The following USP26 variants were observed in gnomAD, a reference collection of about 807,000 sequenced individuals.
USP26 encodes the protein ubiquitin specific peptidase 26.
For synonymous variants in USP26, 236 were observed against 240.6 expected (o/e 0.98, Z 0.18); for missense variants, 649 against 642.3 (o/e 1.01, Z -0.11).
At chrX:133,084,312 C>T (rs1373670623) in intron 4 of USP26, among the ~76,000 whole-genome samples, 2 of 111,253 alleles carry the variant, frequency 1.8e-5, no homozygotes, top group Admixed American at 1.9e-4. Context: ...GATCCTCCCA[C>T]CTCAGCCTCC....
Position 133,026,161 on chromosome X carries a change from A to C in USP26, c.2060T>G (p.Val687Gly). ...ATTTTCGGGCACTGTTTGAAAGTCA[A>C]CTTTTGAGAGAGGTGTGCCTGGGCT... ...ASSPGTPLSK[V>G]DFQTVPENPK... Residue 687 changes from valine (V) to glycine (G), a missense_variant, in exon 6 of 6, where the codon GTT becomes GGT. Transcript: ENST00000511190. 8.3e-7 allele frequency: 1 copy of C among 1,211,081 alleles called. No homozygotes were observed. Among genetic ancestry groups the C allele is most frequent in the Non-Finnish European group, 1.1e-6 (1 of 895,423 alleles).
rs368533207 is a variant in USP26 at position 133,025,599 on chromosome X, C to T, written c.2622G>A (p.Arg874=). 1.7e-5 allele frequency: 20 copies of T among 1,209,201 alleles called. No homozygotes were observed. The highest frequency in any genetic ancestry group is 2.2e-5 in the Admixed American group (1 of 45,583). ...GIQEAQMQED[R]RCTGYIFFYM... Reference sequence around the variant, plus strand: ...AAAAGAAGATGTACCCAGTGCAACGCCTATCCTCCTGCATCTGGGCCTCCT... The same window carrying T: ...AAAAGAAGATGTACCCAGTGCAACGTCTATCCTCCTGCATCTGGGCCTCCT... The change falls in exon 6 of 6, where the codon AGG becomes AGA. Residue 874 remains arginine (R), a synonymous_variant. Transcript: ENST00000511190.
At chrX:133,039,044 T>G (rs1452645312) in intron 5 of USP26, among the ~76,000 whole-genome samples, 1 of 111,902 alleles carries the variant, frequency 8.9e-6, no homozygotes, top group African/African-American at 3.2e-5. Flanking sequence ...TACTTGATTA[T>G]TCTCTCTTTT....
intron 5 of USP26, among the ~76,000 whole-genome samples, chrX:133,054,184 T>G (rs2148531076): frequency 8.9e-6 from 1 of 112,064 alleles, no homozygotes; most frequent in Admixed American, 9.5e-5. Context: ...GTTAACAGCC[T>G]TTCAGAGATT....
At chrX:133,055,812 C>T (rs149155999) in intron 5 of USP26, among the ~76,000 whole-genome samples, 4 of 111,452 alleles carry the variant, frequency 3.6e-5, no homozygotes, top group African/African-American at 9.8e-5. Flanking sequence ...TGTGTATGTA[C>T]GTATGGGAAG....
chrX:133,062,505 G>T lies in USP26; in HGVS notation c.-77+21202C>A, dbSNP rs192293560. ...AGGGGTTAACAGACACCTCATACAG[G>T]AGAGGTCTGGCTGGCAACAGGCCGG... is the stretch of plus-strand genomic sequence containing the variant. On this transcript the variant is annotated intron_variant, in intron 5 of 5. Transcript: ENST00000511190. 1.7e-4 allele frequency among the ~76,000 whole-genome samples: 19 copies of T among 111,897 alleles called. No individual in the cohort carries two copies. The Admixed American group carries it at 1.8e-3, about 11-fold the overall frequency.
At chrX:133,028,378 G>T in intron 5 of USP26, 82 bp from the exon 6 acceptor site, 1 of 623,580 alleles carries the variant, frequency 1.6e-6, no homozygotes, top group Non-Finnish European at 2.5e-6. Context: ...TTATACTAGA[G>T]TCTAGTTCAG....
In USP26 at chrX:133,026,300, C is replaced by G. The variant is rs1266475788; in HGVS notation, c.1921G>C (p.Val641Leu). The change falls in exon 6 of 6, where the codon GTA (valine) becomes CTA (leucine). Residue 641 changes from valine to leucine, a missense_variant. Physicochemically the swap from Val to Leu is conservative, Grantham distance 32 (BLOSUM62 1). Coordinates refer to ENST00000511190, the MANE Select transcript of USP26 (RefSeq NM_031907.3). The stretch of plus-strand genomic sequence containing the variant: ...ATGAATGCTCGATCTCCTGAGTATA[C>G]AGATTCTAGCTCATTTGGTTTAGAA... ...KNSKPNELES[V>L]YSGDRAFIEK... is the part of the protein sequence containing the mutation. 1.7e-6 allele frequency: 2 copies of G among 1,207,695 alleles called. No homozygotes were observed. Among genetic ancestry groups the G allele is most frequent in the Non-Finnish European group, 2.2e-6 (2 of 894,746 alleles).
intron 1 of USP26, among the ~76,000 whole-genome samples, chrX:133,095,093 C>CAAAAAAAAAAAAA (rs35394795): frequency 5.9e-5 from 3 of 51,190 alleles, no homozygotes; most frequent in Non-Finnish European, 1.1e-4. Flanking sequence ...AGACTCTTGT[C>CAAAAAAAAAAAAA]AAAAAAAAAA....
chrX:133,073,375 C>T (rs1360518883), intron 5 of USP26, among the ~76,000 whole-genome samples: 1 of 104,994 alleles, frequency 9.5e-6, no homozygotes, highest in Non-Finnish European at 1.9e-5. Context: ...TCTCCAAGGA[C>T]ATCTAATGGT....
intron 5 of USP26, among the ~76,000 whole-genome samples, chrX:133,037,650 C>A (rs930974705): frequency 7.1e-5 from 8 of 112,131 alleles, no homozygotes; most frequent in Admixed American, 9.5e-5. Context: ...ATTGTCTTAG[C>A]TATATGGGCT....
rs2067336580 is a variant in USP26 at position 133,024,422 on chromosome X, G to A, written c.*1057C>T. ...TAAGAAAACTAACATGGCAAGGTGG[G>A]CTCAGACCACCAAGGGCCAAGAGCT... On this transcript the variant is annotated 3_prime_UTR_variant, in exon 6 of 6. Coordinates refer to ENST00000511190, the MANE Select transcript of USP26 (RefSeq NM_031907.3). Among the ~76,000 whole-genome samples the A allele has an allele frequency of 8.9e-6, 1 of 111,980 alleles. No individual in the cohort carries two copies. The highest frequency in any genetic ancestry group is 3.2e-5 in the African/African-American group (1 of 30,814).
In USP26 at chrX:133,026,554, C is replaced by T; in HGVS notation, c.1667G>A (p.Arg556Lys). The T allele has an allele frequency of 8.3e-7, 1 of 1,209,341 alleles. No homozygotes were observed. Among genetic ancestry groups the T allele is most frequent in the Non-Finnish European group, 1.1e-6 (1 of 894,818 alleles). ...KVSSHCNEGT[R>K]PPLPLSEDGE... Reference sequence around the variant, plus strand: ...ATCCTCACTCAAGGGAAGAGGTGGTCTGGTGCCTTCATTGCAATGAGAAGA... The same window carrying T: ...ATCCTCACTCAAGGGAAGAGGTGGTTTGGTGCCTTCATTGCAATGAGAAGA... Residue 556 changes from arginine to lysine, a missense_variant, in exon 6 of 6, where the codon AGA becomes AAA. Coordinates refer to ENST00000511190, the MANE Select transcript of USP26 (RefSeq NM_031907.3).
chrX:133,026,992 T>C lies in USP26; in HGVS notation c.1229A>G (p.Glu410Gly). Residue 410 changes from glutamate to glycine, a missense_variant, in exon 6 of 6, where the codon GAA becomes GGA. Transcript: ENST00000511190. The stretch of plus-strand genomic sequence containing the variant: ...TTTAGGAAAATTATCTTCCCCAAAT[T>C]CACTTTTAGGCTTCCAAATTGTGTT... ...KLNTIWKPKS[E>G]FGEDNFPKQV... 1 of 1,211,375 alleles carries C rather than the reference T, an allele frequency of 8.3e-7. No homozygotes were observed. The highest frequency in any genetic ancestry group is 1.1e-6 in the Non-Finnish European group (1 of 895,305).
chrX:133,091,648 C>T (rs1475117939), intron 1 of USP26, among the ~76,000 whole-genome samples: 1 of 111,346 alleles, frequency 9.0e-6, no homozygotes, highest in Non-Finnish European at 1.9e-5. Flanking sequence ...GAGTCAGTAT[C>T]ATGGAGTCAG....
intron 1 of USP26, among the ~76,000 whole-genome samples, chrX:133,091,796 C>CTTGTG (rs1191636593): frequency 1.8e-5 from 2 of 111,695 alleles, no homozygotes; most frequent in East Asian, 5.7e-4. Flanking sequence ...AGTCACCTCA[C>CTTGTG]ACAATGTAAG....
intron 5 of USP26, among the ~76,000 whole-genome samples, chrX:133,048,300 T>G (rs2067447133): frequency 8.9e-6 from 1 of 112,153 alleles, no homozygotes; most frequent in Admixed American, 9.5e-5. Flanking sequence ...TTCATGGGGC[T>G]AAATGACAGG....
intron 1 of USP26, among the ~76,000 whole-genome samples, chrX:133,093,604 C>T (rs1233923493): frequency 9.5e-6 from 1 of 105,630 alleles, no homozygotes; most frequent in Non-Finnish European, 2.0e-5. Context: ...GCACTCTAGC[C>T]TAGGCGACAG....
intron 5 of USP26, among the ~76,000 whole-genome samples, chrX:133,033,396 C>A (rs893232773): frequency 1.8e-5 from 2 of 111,989 alleles, no homozygotes; most frequent in Non-Finnish European, 3.8e-5. Flanking sequence ...CATAGGAGGC[C>A]CTGACCAAAA....
Sources: gnomAD v4.1 joint callset for allele counts (sites outside exome capture counted in the v4.1 genomes callset) on GRCh38, gnomAD v4.1.1 for gene constraint, MANE v1.5 for transcripts, NCBI Gene and HGNC (gene_info 2026-07-23, HGNC 2026-07-21) for gene names.